Variants in ATP13A3 observed in about 807,000 individuals in gnomAD.
The protein encoded by ATP13A3 is polyamine-transporting ATPase 13A3.
Under a neutral mutation model 158.1 loss-of-function variants are expected in ATP13A3, and 59 were observed. The ratio of observed to expected loss-of-function variants is 0.37; its 90% CI spans 0.30 to 0.46. The LOEUF is 0.46. Ranked by LOEUF, ATP13A3 falls within the 20% of genes least tolerant of loss-of-function variation. The pLI is 1.00. For missense variants in ATP13A3, 1,166 were observed against 1,525.2 expected (o/e 0.76, Z 3.92); for synonymous variants, 491 against 504.3 (o/e 0.97, Z 0.35).
intron 10 of ATP13A3, 137 bp downstream of exon 10, chr3:194,453,569 A>C: frequency 1.4e-6 from 1 of 690,216 alleles, no homozygotes; most frequent in Non-Finnish European, 2.4e-6. Flanking sequence ...TTTGCACTCC[A>C]GCCTAAGTGA....
intron 17 of ATP13A3, among the ~76,000 whole-genome samples, chr3:194,438,303 T>C (rs940495771): frequency 2.0e-5 from 3 of 152,190 alleles, no homozygotes; most frequent in Non-Finnish European, 4.4e-5. Context: ...GTAATACTTA[T>C]ACATGTAAAA....
At chr3:194,464,524 T>C (rs1719877642) in intron 2 of ATP13A3, among the ~76,000 whole-genome samples, 1 of 152,144 alleles carries the variant, frequency 6.6e-6, no homozygotes, top group African/African-American at 2.4e-5. Context: ...CCTGCTACTA[T>C]AGACTATGGT....
intron 2 of ATP13A3, chr3:194,467,941 A>G (rs1228030521): frequency 6.6e-6 from 1 of 152,176 alleles, no homozygotes; most frequent in Non-Finnish European, 1.5e-5. Flanking sequence ...GTCAAATTCG[A>G]TATCAGAGAA....
chr3:194,419,797 AC>A, intron 31 of ATP13A3, 81 bp downstream of exon 31: 1 of 1,508,200 alleles, frequency 6.6e-7, no homozygotes, highest in Non-Finnish European at 8.8e-7. Context: ...CTTAGAATAC[AC>A]AAAAAGAAGA....
intron 30 of ATP13A3, among the ~76,000 whole-genome samples, chr3:194,421,151 A>ATAGTTTATATATATATAGTT (rs1553796365): frequency 2.1e-5 from 1 of 47,940 alleles, no homozygotes; most frequent in Non-Finnish European, 3.1e-5. Flanking sequence ...ATATATATAT[A>ATAGTTTATATATATATAGTT]TATATATATA....
chr3:194,459,151 C>T (rs144838877), intron 6 of ATP13A3: 1 of 235,400 alleles, frequency 4.2e-6, no homozygotes. Flanking sequence ...GATTCAGATA[C>T]TCTAAGTTGA....
At chr3:194,489,173 A>G (rs528042566), upstream of ATP13A3, among the ~76,000 whole-genome samples, 3 of 152,326 alleles carry the variant, frequency 2.0e-5, no homozygotes, top group East Asian at 5.8e-4. This position sits in a 1 kb window ranked among gnomAD's most constrained non-coding sequence, Gnocchi z 4.1. Flanking sequence ...GGCTGGGCGC[A>G]GTGGCTCATG....
chr3:194,464,092 C>T (rs1435933157), intron 2 of ATP13A3, among the ~76,000 whole-genome samples: 2 of 152,130 alleles, frequency 1.3e-5, no homozygotes, highest in Non-Finnish European at 2.9e-5. Context: ...ACCCAGGAGG[C>T]GGAGGTTGTA....
chr3:194,419,993 A>C, intron 30 of ATP13A3, 26 bp from the exon 31 acceptor site: 1 of 1,501,210 alleles, frequency 6.7e-7, no homozygotes, highest in South Asian at 1.3e-5. Context: ...AAAGTAAAAC[A>C]AGTAAATTAG....
chr3:194,483,987 C>A (rs2109074926), intron 2 of ATP13A3, among the ~76,000 whole-genome samples: 1 of 152,062 alleles, frequency 6.6e-6, no homozygotes, highest in Admixed American at 6.6e-5. Flanking sequence ...GGCAGCTTAT[C>A]ACCTATCAAA....
chr3:194,443,907 A>G (rs1275398441), intron 15 of ATP13A3, among the ~76,000 whole-genome samples: 1 of 152,222 alleles, frequency 6.6e-6, no homozygotes, highest in Non-Finnish European at 1.5e-5. Context: ...CAACAGAAAA[A>G]TGAGGATATA....
chr3:194,447,103 C>A lies in ATP13A3; in HGVS notation c.1321G>T (p.Val441Phe), dbSNP rs778921503. ...NSILNEVQVGVIIIESLDIIT... is the reference protein window; with the variant it reads ...NSILNEVQVGFIIIESLDIIT... ...ATATCAAGAGACTCGATAATTATGA[C>A]CCCAACTTGTACCTACAATTAACAC... The change falls in exon 14 of 34, where the codon GTC (valine) becomes TTC (phenylalanine). Residue 441 changes from valine (V) to phenylalanine (F), a missense_variant. Physicochemically the swap from Val to Phe is conservative, Grantham distance 50. Around this residue, in one of 3 missense-constraint regions of ATP13A3, gnomAD observed 997 missense variants for 1,341.2 expected, o/e 0.74. Transcript: ENST00000645319. The A allele has an allele frequency of 6.2e-6, 10 of 1,607,260 alleles. No individual in the cohort carries two copies. Among genetic ancestry groups the A allele is most frequent in the Non-Finnish European group, 8.5e-6 (10 of 1,178,184 alleles).
chr3:194,456,932 A>T (rs1482437066), intron 7 of ATP13A3, among the ~76,000 whole-genome samples, 162 bp downstream of exon 7: 1 of 152,128 alleles, frequency 6.6e-6, no homozygotes, highest in Non-Finnish European at 1.5e-5. Context: ...TCTTAAACTA[A>T]GACAGTCTTA....
At chr3:194,441,665 G>T (rs538943767) in intron 15 of ATP13A3, among the ~76,000 whole-genome samples, 123 of 152,130 alleles carry the variant, frequency 8.1e-4, no homozygotes, top group Non-Finnish European at 1.4e-3. Context: ...TATGGCTGCT[G>T]GGGGGATGAA....
intron 2 of ATP13A3, among the ~76,000 whole-genome samples, chr3:194,492,210 A>T (rs983904782): frequency 6.6e-6 from 1 of 151,912 alleles, no homozygotes; most frequent in South Asian, 2.1e-4. Context: ...CCTTCTTTCA[A>T]TTCCTCAAAC....
chr3:194,472,637 C>T (rs138025510), intron 2 of ATP13A3, among the ~76,000 whole-genome samples: 2,682 of 152,180 alleles, frequency 0.018, 85 homozygotes, highest in African/African-American at 0.062. Flanking sequence ...CCCAGCAATC[C>T]CATTACTAGG....
chr3:194,435,398 A>G (rs1268830317), intron 20 of ATP13A3, among the ~76,000 whole-genome samples: 1 of 152,200 alleles, frequency 6.6e-6, no homozygotes, highest in Non-Finnish European at 1.5e-5. Context: ...TAGTTAGTGA[A>G]TAGTCCAATA....
chr3:194,460,923 G>T, intron 3 of ATP13A3, 92 bp from the exon 4 acceptor site: 1 of 1,293,200 alleles, frequency 7.7e-7, no homozygotes, highest in Non-Finnish European at 1.1e-6. Flanking sequence ...TTTCCAGATA[G>T]GTATTTATTG....
At chr3:194,423,452 A>G (rs6803480) in intron 30 of ATP13A3, among the ~76,000 whole-genome samples, 29,089 of 152,148 alleles carry the variant, frequency 0.19, 4,653 homozygotes, top group African/African-American at 0.43. Context: ...AAACTAACAG[A>G]CAGGTCCTAG....
Sources: allele counts gnomAD v4.1 joint callset (sites outside exome capture counted in the v4.1 genomes callset), GRCh38; gene constraint gnomAD v4.1.1; regional missense constraint gnomAD v4.1.1; non-coding constraint Gnocchi (gnomAD v3.1); transcripts MANE v1.5; gene names NCBI Gene and HGNC (gene_info 2026-07-23, HGNC 2026-07-21).